Variants in DNTTIP1 observed in about 807,000 individuals in gnomAD.
DNTTIP1 encodes deoxynucleotidyltransferase terminal interacting protein 1, also known as deoxynucleotidyltransferase terminal-interacting protein 1.
DNTTIP1 carries 22 observed loss-of-function variants against 52.9 expected under a neutral mutation model. The observed-to-expected ratio is 0.42, with a 90% CI of 0.30 to 0.59. DNTTIP1 has a LOEUF of 0.59. Ranked by LOEUF, DNTTIP1 falls within the 20% of genes least tolerant of loss-of-function variation. The pLI is 0.22. For missense variants in DNTTIP1, 286 were observed against 435.5 expected (o/e 0.66, Z 3.06); for synonymous variants, 136 against 155.1 (o/e 0.88, Z 0.92).
At chr20:45,792,603 C>G in intron 1 of DNTTIP1, 74 bp from the exon 2 acceptor site, 2 of 1,221,072 alleles carry the variant, frequency 1.6e-6, no homozygotes, top group South Asian at 3.1e-5. Flanking sequence ...GGTTTAACTT[C>G]ATACCCACCC....
intron 4 of DNTTIP1, among the ~76,000 whole-genome samples, chr20:45,796,083 T>TGG (rs1441670230): frequency 6.6e-6 from 1 of 151,788 alleles, no homozygotes; most frequent in Non-Finnish European, 1.5e-5. Flanking sequence ...AGGGGAGAAG[T>TGG]GGGGGGATGT....
chr20:45,803,842 CA>C (rs1981552465), intron 8 of DNTTIP1, among the ~76,000 whole-genome samples: 1 of 152,194 alleles, frequency 6.6e-6, no homozygotes, highest in African/African-American at 2.4e-5. Flanking sequence ...CCCAAAGTCA[CA>C]TAACTCGTAA....
chr20:45,809,995 A>G lies in DNTTIP1; in HGVS notation c.795+810A>G, dbSNP rs1187104641. On this transcript the variant is annotated intron_variant, in intron 11 of 12. Transcript: ENST00000372622. This position sits in a 1 kb window ranked among gnomAD's most constrained non-coding sequence, Gnocchi z 4.2. ...ATGGTAGGGGGTGGGGGCAGGACCT[A>G]AAATTAAGCCACCAGTAAAAGTAGT... Among the ~76,000 whole-genome samples the G allele has an allele frequency of 1.3e-5, 2 of 152,228 alleles. No homozygotes were observed. The highest frequency in any genetic ancestry group is 4.8e-5 in the African/African-American group (2 of 41,450).
Position 45,792,036 on chromosome 20 carries a change from G to T in DNTTIP1, c.32G>T (p.Arg11Leu), listed in dbSNP as rs748064711. Reference sequence around the variant, plus strand: ...GCCACTGGCGACGCCGAGCAGCCGCGGGGACCTAGCGGGGCCGAGAGGGGC... The same window carrying T: ...GCCACTGGCGACGCCGAGCAGCCGCTGGGACCTAGCGGGGCCGAGAGGGGC... MGATGDAEQP[R>L]GPSGAERGGL... The change falls in exon 1 of 13, where the codon CGG becomes CTG. Residue 11 changes from arginine to leucine, a missense_variant. By Grantham distance (102) the Arg-to-Leu change is moderately radical. Coordinates refer to ENST00000372622, the MANE Select transcript of DNTTIP1 (RefSeq NM_052951.3). 1 of 1,277,332 alleles carries T rather than the reference G, an allele frequency of 7.8e-7. No homozygotes were observed. The allele number at this position is 1,277,332 out of a possible 1,614,324, so 79.1% of individuals were successfully genotyped here.
intron 4 of DNTTIP1, chr20:45,796,408 C>G: frequency 6.6e-6 from 3 of 455,216 alleles, no homozygotes; most frequent in African/African-American, 2.0e-5. Flanking sequence ...AAAGAAATGG[C>G]TTAAGACACA....
At chr20:45,794,886 G>A (rs1288648868) in intron 3 of DNTTIP1, among the ~76,000 whole-genome samples, 2 of 148,980 alleles carry the variant, frequency 1.3e-5, no homozygotes, top group Admixed American at 6.8e-5. Flanking sequence ...TGCAACCTCC[G>A]CCTCCTGGGT....
At chr20:45,806,915 T>C (rs115715845) in intron 10 of DNTTIP1, among the ~76,000 whole-genome samples, 6,744 of 152,300 alleles carry the variant, frequency 0.044, 148 homozygotes, top group Middle Eastern at 0.099. Context: ...TCAATATGCT[T>C]TTGGACCTAC....
rs367922843 is a variant in DNTTIP1, at chr20:45,805,865, C to T, written c.723+499C>T. On this transcript the variant is annotated intron_variant, in intron 10 of 12. Coordinates refer to ENST00000372622, the MANE Select transcript of DNTTIP1 (RefSeq NM_052951.3). ...TTGGGAGGCCAAGGCGGGTGGATCA[C>T]CTGAAGTTGGGAGTTCGAGACCAGC... Among the ~76,000 whole-genome samples, 68 of 152,262 alleles carry T rather than the reference C, an allele frequency of 4.5e-4. No individual in the cohort carries two copies. The East Asian group carries it at 7.9e-3, about 18-fold the overall frequency.
chr20:45,800,317 C>A (rs1347232866), intron 4 of DNTTIP1, among the ~76,000 whole-genome samples: 2 of 151,722 alleles, frequency 1.3e-5, no homozygotes, highest in Non-Finnish European at 2.9e-5. Flanking sequence ...TTAATTTTTC[C>A]AGCCATGATC....
At position 45,811,162 on chromosome 20, in the gene DNTTIP1, G is replaced by A. The variant is rs778704352; in HGVS notation, c.957G>A (p.Glu319=). 3 of 1,613,780 alleles carry A rather than the reference G, an allele frequency of 1.9e-6. No homozygotes were observed. The highest frequency in any genetic ancestry group is 2.2e-5 in the East Asian group (1 of 44,888). Residue 319 remains glutamate (E), a synonymous_variant, in exon 13 of 13, where the codon GAG becomes GAA. Coordinates refer to ENST00000372622, the MANE Select transcript of DNTTIP1 (RefSeq NM_052951.3). ...KYMETLRTEN[E]HRAVEAPPQT is the part of the protein sequence containing the mutation. ...TGGAGACACTACGGACAGAGAATGA[G>A]CATCGTGCTGTTGAAGCACCTCCAC...
At chr20:45,803,445 CCA>C in intron 8 of DNTTIP1, 67 bp downstream of exon 8, 1 of 1,581,798 alleles carries the variant, frequency 6.3e-7, no homozygotes, top group Non-Finnish European at 8.7e-7. Flanking sequence ...CTAGGACCCA[CCA>C]TGAGGGAAAG....
chr20:45,795,800 AAAAC>A (rs1981219972), intron 4 of DNTTIP1, among the ~76,000 whole-genome samples: 1 of 152,216 alleles, frequency 6.6e-6, no homozygotes, highest in Non-Finnish European at 1.5e-5. Context: ...TTCTGTCTCA[AAAAC>A]AAACAAAAAA....
intron 4 of DNTTIP1, chr20:45,796,560 G>A (rs1261110118): frequency 1.9e-5 from 9 of 470,992 alleles, no homozygotes; most frequent in Non-Finnish European, 3.5e-5. Flanking sequence ...ATGACATCAG[G>A]TCTATAAATG....
rs3080098 is a variant in DNTTIP1 at position 45,806,355 on chromosome 20, C to CAAAAAAAAA, written c.723+994_723+1002dup. Among the ~76,000 whole-genome samples the CAAAAAAAAA allele has an allele frequency of 7.6e-5, 10 of 131,726 alleles. 1 individual carries two copies. Among genetic ancestry groups the CAAAAAAAAA allele is most frequent in the Admixed American group, 1.6e-4 (2 of 12,630 alleles). 86.4% of individuals were successfully genotyped at this position (131,726 alleles called of 152,430 possible). On this transcript the variant is annotated intron_variant, in intron 10 of 12. Transcript: ENST00000372622. ...TGGGCAACAGAGCAAAACTCCATCT[C>CAAAAAAAAA]AAAAAAAAAAAAATAGAGTTTGGAG...
At chr20:45,800,263 G>T (rs1047405889) in intron 4 of DNTTIP1, among the ~76,000 whole-genome samples, 1 of 152,092 alleles carries the variant, frequency 6.6e-6, no homozygotes, top group Admixed American at 6.5e-5. Flanking sequence ...AGTAGTTTAT[G>T]TAATGAGATT....
At chr20:45,797,523 T>C (rs1344214869) in intron 4 of DNTTIP1, among the ~76,000 whole-genome samples, 13 of 152,012 alleles carry the variant, frequency 8.6e-5, no homozygotes, top group Admixed American at 7.9e-4. Context: ...GCAAAAGAAA[T>C]GACCATCAGA....
At position 45,794,025 on chromosome 20, in the gene DNTTIP1, G is replaced by A; in HGVS notation, c.273+8G>A. On this transcript the variant is annotated splice_region_variant and intron_variant, in intron 3 of 12. Transcript: ENST00000372622. ...TTCAACAAGTACATGAAGGTGAGAG[G>A]GACACAGGATAAAAAATAACAGGAG... 1 of 1,543,698 alleles carries A rather than the reference G, an allele frequency of 6.5e-7. No homozygotes were observed. Among genetic ancestry groups the A allele is most frequent in the Non-Finnish European group, 8.8e-7 (1 of 1,131,416 alleles).
In DNTTIP1 at chr20:45,811,251, T is replaced by G; in HGVS notation, c.*56T>G. The G allele has an allele frequency of 1.9e-6, 3 of 1,550,610 alleles. No individual in the cohort carries two copies. In the Middle Eastern group the frequency reaches 5.8e-4, roughly 299 times the overall value. On this transcript the variant is annotated 3_prime_UTR_variant, in exon 13 of 13. Coordinates refer to ENST00000372622, the MANE Select transcript of DNTTIP1 (RefSeq NM_052951.3). ...CTCCTCCAAAGCCCTCTTCCTCACG[T>G]GGCTGAGGCCACCGCTGGGACTGCT...
At chr20:45,799,593 G>A (rs1339511856) in intron 4 of DNTTIP1, among the ~76,000 whole-genome samples, 1 of 152,150 alleles carries the variant, frequency 6.6e-6, no homozygotes, top group Non-Finnish European at 1.5e-5. Flanking sequence ...GCCTTCCCTG[G>A]CCATTCCCGC....
Sources: gnomAD v4.1 joint callset for allele counts (sites outside exome capture counted in the v4.1 genomes callset) on GRCh38, gnomAD v4.1.1 for gene constraint, Gnocchi (gnomAD v3.1) non-coding constraint, MANE v1.5 for transcripts, NCBI Gene and HGNC (gene_info 2026-07-23, HGNC 2026-07-21) for gene names.